The following MAGI1 variants were observed in gnomAD, a reference collection of about 807,000 sequenced individuals.
The protein encoded by MAGI1 is membrane-associated guanylate kinase, WW and PDZ domain-containing protein 1.
MAGI1 carries 58 observed loss-of-function variants against 139.9 expected under a neutral mutation model. The ratio of observed to expected loss-of-function variants is 0.41; its 90% confidence interval spans 0.34 to 0.52. The LOEUF (loss-of-function observed/expected upper bound fraction) is 0.52. Among genes scored for constraint, MAGI1 ranks in the 20% least tolerant of loss-of-function variants. MAGI1 has a pLI of 0.12. For missense variants in MAGI1, 1,874 were observed against 1,901.6 expected (o/e 0.99, Z 0.27); for synonymous variants, 812 against 737.9 (o/e 1.10, Z -1.63).
At chr3:65,811,298 TC>T (rs1210124741) in intron 1 of MAGI1, among the ~76,000 whole-genome samples, 4 of 152,178 alleles carry the variant, frequency 2.6e-5, no homozygotes, top group African/African-American at 9.7e-5. Flanking sequence ...TCACTGACAT[TC>T]CCCGGTAAGA....
At chr3:65,473,542 C>A (rs1386599983) in intron 4 of MAGI1, among the ~76,000 whole-genome samples, 1 of 150,184 alleles carries the variant, frequency 6.7e-6, no homozygotes, top group Non-Finnish European at 1.5e-5. Flanking sequence ...TTTTAATTAA[C>A]CTATTTTAAT....
intron 2 of MAGI1, among the ~76,000 whole-genome samples, chr3:65,504,615 C>G (rs1375829065): frequency 6.6e-6 from 1 of 152,148 alleles, no homozygotes; most frequent in African/African-American, 2.4e-5. Flanking sequence ...CAGCTCTTCA[C>G]CCAGGGTTGA....
chr3:65,412,771 G>A (rs1945891099), intron 12 of MAGI1, among the ~76,000 whole-genome samples: 1 of 152,088 alleles, frequency 6.6e-6, no homozygotes, highest in Non-Finnish European at 1.5e-5. Flanking sequence ...GAGCTGCCAG[G>A]TTCGGCTCAA....
chr3:65,592,135 A>C (rs1435767319), intron 2 of MAGI1, among the ~76,000 whole-genome samples: 1 of 152,212 alleles, frequency 6.6e-6, no homozygotes, highest in Non-Finnish European at 1.5e-5. Flanking sequence ...TAGCACATAA[A>C]GATTGTTAAA....
At chr3:65,472,951 A>G (rs1484171159) in intron 4 of MAGI1, among the ~76,000 whole-genome samples, 1 of 152,238 alleles carries the variant, frequency 6.6e-6, no homozygotes, top group Non-Finnish European at 1.5e-5. Context: ...GAGCCACACT[A>G]TCCGAGTTTG....
Position 65,453,256 on chromosome 3 carries a change from A to G in MAGI1, c.1042+2T>C. ...TAACCCAAGACCTGCCTGGCCCCTTACCATCATCTTCACACTCTTCCAGTG... is the reference window on the plus strand; with the variant it reads ...TAACCCAAGACCTGCCTGGCCCCTTGCCATCATCTTCACACTCTTCCAGTG... On this transcript the variant is annotated splice_donor_variant, in intron 6 of 22. Transcript: ENST00000402939. LOFTEE classifies it high-confidence loss of function. 6.2e-7 allele frequency: 1 copy of G among 1,613,622 alleles called. No homozygotes were observed. The highest frequency in any genetic ancestry group is 1.3e-5 in the African/African-American group (1 of 74,908).
At chr3:65,417,461 A>C (rs897264182) in intron 12 of MAGI1, among the ~76,000 whole-genome samples, 3 of 152,168 alleles carry the variant, frequency 2.0e-5, no homozygotes, top group African/African-American at 4.8e-5. Flanking sequence ...AACCAAAGTA[A>C]GGGTAGGAAA....
intron 2 of MAGI1, among the ~76,000 whole-genome samples, chr3:65,540,407 C>T (rs997146572): frequency 6.6e-6 from 1 of 152,030 alleles, no homozygotes; most frequent in Non-Finnish European, 1.5e-5. Context: ...ATAATGTAAG[C>T]TTGGTTGAAT....
At chr3:65,639,044 C>T (rs773971346) in intron 1 of MAGI1, among the ~76,000 whole-genome samples, 15 of 152,314 alleles carry the variant, frequency 9.8e-5, no homozygotes, top group Non-Finnish European at 2.1e-4. Flanking sequence ...CCACTGCATG[C>T]TGCCCATTAT....
chr3:65,870,716 G>GAAAAAA (rs112844485), intron 1 of MAGI1, among the ~76,000 whole-genome samples: 1 of 124,998 alleles, frequency 8.0e-6, no homozygotes, highest in African/African-American at 2.9e-5. Context: ...CCATTTTAGT[G>GAAAAAA]AAAAAAAAAA....
intron 5 of MAGI1, among the ~76,000 whole-genome samples, chr3:65,456,842 A>G (rs1358532496): frequency 2.0e-5 from 3 of 152,182 alleles, no homozygotes; most frequent in Non-Finnish European, 4.4e-5. Flanking sequence ...GGGCACACTT[A>G]TGGATCTATC....
chr3:65,815,381 T>C (rs2041536013), intron 1 of MAGI1, among the ~76,000 whole-genome samples: 1 of 152,116 alleles, frequency 6.6e-6, no homozygotes, highest in Non-Finnish European at 1.5e-5. Context: ...GTTTCAAGGA[T>C]CTAACCAAGA....
chr3:65,871,026 C>T (rs952623055), intron 1 of MAGI1, among the ~76,000 whole-genome samples: 5 of 152,224 alleles, frequency 3.3e-5, no homozygotes, highest in Non-Finnish European at 7.4e-5. Context: ...GCAACCTCTG[C>T]CTCCCGGATT....
intron 1 of MAGI1, among the ~76,000 whole-genome samples, chr3:66,005,120 T>C (rs1303723796): frequency 1.3e-5 from 2 of 152,194 alleles, no homozygotes; most frequent in Non-Finnish European, 2.9e-5. Flanking sequence ...CTTTTTTATT[T>C]TTAATGGATC....
At chr3:65,761,000 G>T (rs1049617649) in intron 1 of MAGI1, among the ~76,000 whole-genome samples, 2 of 152,082 alleles carry the variant, frequency 1.3e-5, no homozygotes, top group Admixed American at 6.6e-5. Context: ...CATATGTAGC[G>T]CCCATAGACG....
intron 1 of MAGI1, among the ~76,000 whole-genome samples, chr3:65,731,523 T>C (rs186675271): frequency 6.0e-5 from 9 of 149,924 alleles, no homozygotes; most frequent in African/African-American, 2.2e-4. Flanking sequence ...AGCATGGTGG[T>C]GCATGCCTGT....
chr3:65,823,746 T>C (rs1479463862), intron 1 of MAGI1, among the ~76,000 whole-genome samples: 1 of 152,182 alleles, frequency 6.6e-6, no homozygotes, highest in Non-Finnish European at 1.5e-5. Flanking sequence ...ATAAAAAATA[T>C]TTATTGAGCC....
intron 1 of MAGI1, among the ~76,000 whole-genome samples, chr3:65,929,623 G>A (rs139424649): frequency 0.019 from 2,909 of 152,082 alleles, 68 homozygotes; most frequent in African/African-American, 0.053. Context: ...GTGAGCCACC[G>A]CGCCCAGCCA....
At chr3:66,015,721 T>C (rs900916156) in intron 1 of MAGI1, among the ~76,000 whole-genome samples, 1 of 152,214 alleles carries the variant, frequency 6.6e-6, no homozygotes, top group Non-Finnish European at 1.5e-5. Flanking sequence ...TTTTATCCCA[T>C]CTACACTGGA....
Sources: gnomAD v4.1 joint callset for allele counts (sites outside exome capture counted in the v4.1 genomes callset) on GRCh38, gnomAD v4.1.1 for gene constraint, MANE v1.5 for transcripts, NCBI Gene and HGNC (gene_info 2026-07-23, HGNC 2026-07-21) for gene names.